KIFAP3: variants seen among roughly 807,000 people sequenced by gnomAD.
The protein encoded by KIFAP3 is kinesin associated protein 3.
A neutral mutation model predicts 106.5 loss-of-function variants in KIFAP3; 68 were observed. The ratio of observed to expected loss-of-function variants is 0.64; its 90% confidence interval spans 0.53 to 0.78. KIFAP3 has a LOEUF of 0.78. KIFAP3 is among the 30% of genes least tolerant of loss of function. The probability of loss-of-function intolerance (pLI) is 0.00; values close to 1 mark genes in which losing one functional copy is unlikely to be tolerated. For missense variants in KIFAP3, 780 were observed against 941.8 expected (o/e 0.83, Z 2.25); for synonymous variants, 320 against 311.5 (o/e 1.03, Z -0.29).
intron 9 of KIFAP3, among the ~76,000 whole-genome samples, chr1:170,021,047 C>G (rs1668790387): frequency 6.6e-6 from 1 of 152,026 alleles, no homozygotes; most frequent in South Asian, 2.1e-4. Context: ...AAAGAAGGCA[C>G]AGAAAAGTGA....
intron 10 of KIFAP3, among the ~76,000 whole-genome samples, chr1:170,008,243 G>A (rs928192792): frequency 6.6e-6 from 1 of 151,456 alleles, no homozygotes; most frequent in East Asian, 1.9e-4. Flanking sequence ...CAAAAGCAAC[G>A]GCAACAAAAG....
intron 19 of KIFAP3, among the ~76,000 whole-genome samples, chr1:169,944,328 C>T (rs762947801): frequency 2.0e-5 from 3 of 152,158 alleles, no homozygotes; most frequent in Admixed American, 6.5e-5. Context: ...CCAGATGTAC[C>T]GCACGCAGCT....
chr1:169,968,826 C>A (rs1171548764), intron 17 of KIFAP3, among the ~76,000 whole-genome samples: 1 of 135,588 alleles, frequency 7.4e-6, no homozygotes, highest in African/African-American at 2.5e-5. Context: ...CCAAATGTTG[C>A]CAATTAAAAA....
intron 10 of KIFAP3, among the ~76,000 whole-genome samples, chr1:169,998,310 A>C (rs1236741878): frequency 6.6e-6 from 1 of 151,798 alleles, no homozygotes; most frequent in Non-Finnish European, 1.5e-5. Flanking sequence ...TATATGACAG[A>C]GGTGTTTTCC....
chr1:170,017,499 G>A (rs1668583127), intron 9 of KIFAP3, among the ~76,000 whole-genome samples: 1 of 152,094 alleles, frequency 6.6e-6, no homozygotes, highest in Non-Finnish European at 1.5e-5. Context: ...TCGGCATTTA[G>A]GAATAAAAGA....
At chr1:169,959,817 T>C (rs1294745760) in intron 18 of KIFAP3, among the ~76,000 whole-genome samples, 3 of 152,122 alleles carry the variant, frequency 2.0e-5, no homozygotes, top group Non-Finnish European at 4.4e-5. Context: ...TCTTACTTCA[T>C]GAATACTGAA....
At chr1:169,955,687 G>T (rs476485) in intron 18 of KIFAP3, among the ~76,000 whole-genome samples, 139,155 of 152,210 alleles carry the variant, frequency 0.91, 63,638 homozygotes, top group East Asian at 0.99. Context: ...ATATATTAAT[G>T]ACATATTATT....
chr1:170,000,620 A>C (rs575858262), intron 10 of KIFAP3, among the ~76,000 whole-genome samples: 2 of 152,262 alleles, frequency 1.3e-5, no homozygotes, highest in African/African-American at 4.8e-5. Context: ...AACATCTTTG[A>C]TACATGTTTC....
intron 9 of KIFAP3, among the ~76,000 whole-genome samples, chr1:170,022,215 C>T (rs1668876593): frequency 6.6e-6 from 1 of 151,936 alleles, no homozygotes; most frequent in Non-Finnish European, 1.5e-5. Context: ...TCCCAAAGTT[C>T]TGGGATTACA....
At chr1:170,074,991 T>C (rs1025895382), upstream of KIFAP3, among the ~76,000 whole-genome samples, 2 of 152,218 alleles carry the variant, frequency 1.3e-5, no homozygotes, top group East Asian at 3.8e-4. Context: ...GGGGCCTGAA[T>C]GGCCCTGATT....
intron 10 of KIFAP3, 81 bp downstream of exon 10, chr1:170,016,381 A>G (rs1668517329): frequency 9.5e-7 from 1 of 1,047,482 alleles, no homozygotes; most frequent in South Asian, 1.5e-5. Flanking sequence ...TTTGTTCAGG[A>G]GGCTTTTCAA....
At chr1:169,999,025 A>G (rs1050750594) in intron 10 of KIFAP3, among the ~76,000 whole-genome samples, 5 of 152,234 alleles carry the variant, frequency 3.3e-5, no homozygotes, top group African/African-American at 9.6e-5. Context: ...GAAAGTAAAG[A>G]CTCTTTGGCA....
intron 1 of KIFAP3, among the ~76,000 whole-genome samples, chr1:170,059,739 C>T (rs1018800494): frequency 6.6e-5 from 10 of 152,148 alleles, no homozygotes; most frequent in Non-Finnish European, 1.0e-4. Context: ...ACCAATATCC[C>T]TGATGAACAT....
intron 9 of KIFAP3, among the ~76,000 whole-genome samples, chr1:170,021,434 GTT>G (rs746455008): frequency 0.014 from 1,565 of 113,636 alleles, 15 homozygotes; most frequent in African/African-American, 0.049. Flanking sequence ...TTGTTATTAA[GTT>G]TTTTTTTTTT....
intron 1 of KIFAP3, among the ~76,000 whole-genome samples, chr1:170,081,073 A>T (rs1672012499): frequency 6.6e-6 from 1 of 152,192 alleles, no homozygotes. Context: ...ACCAAAATTT[A>T]AAACTTCCCT....
intron 15 of KIFAP3, among the ~76,000 whole-genome samples, chr1:169,979,779 A>T (rs1424725954): frequency 6.6e-6 from 1 of 152,108 alleles, no homozygotes; most frequent in Non-Finnish European, 1.5e-5. Flanking sequence ...GTGTGAACCT[A>T]ATGGAAATGA....
chr1:169,932,376 C>T (rs773042876), intron 19 of KIFAP3, among the ~76,000 whole-genome samples: 15 of 152,056 alleles, frequency 9.9e-5, no homozygotes, highest in Non-Finnish European at 1.6e-4. Context: ...AATACTAGTA[C>T]TAAAAACTCT....
At chr1:170,058,521 T>C (rs1670967882) in intron 1 of KIFAP3, among the ~76,000 whole-genome samples, 2 of 152,130 alleles carry the variant, frequency 1.3e-5, no homozygotes, top group Non-Finnish European at 2.9e-5. Context: ...GTTTACAGCA[T>C]GGGTATGGCA....
intron 15 of KIFAP3, among the ~76,000 whole-genome samples, chr1:169,980,973 T>A (rs970490659): frequency 1.2e-4 from 18 of 152,092 alleles, no homozygotes; most frequent in Non-Finnish European, 1.8e-4. Flanking sequence ...TGGTGGCGCA[T>A]GCCTGTAATC....
Sources: gnomAD v4.1 joint callset for allele counts (sites outside exome capture counted in the v4.1 genomes callset) on GRCh38, gnomAD v4.1.1 for gene constraint, MANE v1.5 for transcripts, NCBI Gene and HGNC (gene_info 2026-07-23, HGNC 2026-07-21) for gene names.